CNTN5: variants seen among roughly 807,000 people sequenced by gnomAD.
The protein encoded by CNTN5 is contactin 5, also known as contactin-5.
A neutral mutation model predicts 129.1 loss-of-function variants in CNTN5; 77 were observed. That is an observed-to-expected ratio of 0.60 (90% confidence interval 0.50 to 0.72). The LOEUF is 0.72. Ranked by LOEUF, CNTN5 falls within the 30% of genes least tolerant of loss-of-function variation. CNTN5 has a pLI of 0.00. For synonymous variants in CNTN5, 509 were observed against 465.6 expected (o/e 1.09, Z -1.20); for missense variants, 1,478 against 1,328.8 (o/e 1.11, Z -1.75).
chr11:99,743,343 C>A (rs1166574305), intron 3 of CNTN5, among the ~76,000 whole-genome samples: 1 of 152,050 alleles, frequency 6.6e-6, no homozygotes, highest in Non-Finnish European at 1.5e-5. Flanking sequence ...ATCTAATGTT[C>A]AGATATTAGG....
chr11:100,015,789 T>C (rs1940791062), intron 9 of CNTN5, among the ~76,000 whole-genome samples: 1 of 152,122 alleles, frequency 6.6e-6, no homozygotes. Context: ...AGCATAGGCT[T>C]TTTTTAAAAT....
chr11:99,951,203 C>A (rs893631855), intron 7 of CNTN5, among the ~76,000 whole-genome samples: 28 of 151,222 alleles, frequency 1.9e-4, no homozygotes, highest in African/African-American at 6.3e-4. Context: ...ACTCAAAATG[C>A]TAATTTCTAA....
chr11:99,614,394 T>C (rs1428941710), intron 3 of CNTN5, among the ~76,000 whole-genome samples: 1 of 152,200 alleles, frequency 6.6e-6, no homozygotes, highest in East Asian at 1.9e-4. Context: ...TTTTGCTTTT[T>C]TCATTGCACC....
chr11:100,224,770 A>G lies in CNTN5; in HGVS notation c.1963A>G (p.Thr655Ala). The G allele has an allele frequency of 1.2e-6, 2 of 1,613,168 alleles. No homozygotes were observed. The highest frequency in any genetic ancestry group is 1.7e-6 in the Non-Finnish European group (2 of 1,179,224). Residue 655 changes from threonine (T) to alanine (A), a missense_variant, in exon 16 of 25, where the codon ACA becomes GCA. By Grantham distance (58) the Thr-to-Ala change is moderately conservative. Transcript: ENST00000524871. Reference protein sequence around the residue: ...AGRYGCRVQTTADSVSDEAEL... With the variant: ...AGRYGCRVQTAADSVSDEAEL... ...GAGATATGGCTGCAGGGTACAGACC[A>G]CAGCAGACAGTGTGTCAGATGAGGC...
intron 20 of CNTN5, among the ~76,000 whole-genome samples, chr11:100,307,707 T>C (rs1324846996): frequency 6.6e-6 from 1 of 151,524 alleles, no homozygotes; most frequent in Non-Finnish European, 1.5e-5. Flanking sequence ...AGTCTTGTGG[T>C]TGGAACAACA....
chr11:99,467,043 A>G (rs1213681803), intron 2 of CNTN5, among the ~76,000 whole-genome samples: 1 of 152,162 alleles, frequency 6.6e-6, no homozygotes, highest in Non-Finnish European at 1.5e-5. Flanking sequence ...CAATGTCTTT[A>G]TTCTTTCCTC....
At chr11:99,911,801 T>G (rs1949667647) in intron 6 of CNTN5, among the ~76,000 whole-genome samples, 1 of 151,856 alleles carries the variant, frequency 6.6e-6, no homozygotes, top group Non-Finnish European at 1.5e-5. Flanking sequence ...CCAACTCTAT[T>G]ACCACGTGTT....
At chr11:99,779,195 T>A (rs1390318840) in intron 3 of CNTN5, among the ~76,000 whole-genome samples, 3 of 151,964 alleles carry the variant, frequency 2.0e-5, no homozygotes, top group Non-Finnish European at 4.4e-5. Context: ...TTTCTAAATT[T>A]GTAGAAATTT....
intron 1 of CNTN5, among the ~76,000 whole-genome samples, chr11:99,215,690 G>C (rs956934475): frequency 4.6e-5 from 7 of 152,134 alleles, no homozygotes; most frequent in Non-Finnish European, 4.4e-5. Context: ...ATCATGATCA[G>C]TACCTCAGAA....
At chr11:99,022,506 A>G (rs1565253161) in intron 1 of CNTN5, among the ~76,000 whole-genome samples, 1 of 152,176 alleles carries the variant, frequency 6.6e-6, no homozygotes, top group East Asian at 1.9e-4. Flanking sequence ...CTCCTATTTC[A>G]TGCTCAAATT....
chr11:99,113,499 C>G (rs1857897790), intron 1 of CNTN5, among the ~76,000 whole-genome samples: 2 of 152,042 alleles, frequency 1.3e-5, no homozygotes, highest in Non-Finnish European at 2.9e-5. Context: ...CTGTTGGCAA[C>G]TAAGACTCAA....
chr11:99,492,355 T>G (rs1313571417), intron 2 of CNTN5, among the ~76,000 whole-genome samples: 3 of 152,196 alleles, frequency 2.0e-5, no homozygotes, highest in African/African-American at 7.2e-5. Context: ...TCTTCCAATC[T>G]TGCTTCCTTC....
rs112977298 is a variant in CNTN5, at chr11:99,759,459, G to A, written c.56-60085G>A. 3.7e-4 allele frequency among the ~76,000 whole-genome samples: 56 copies of A among 152,032 alleles called. 1 individual carries two copies. Among genetic ancestry groups the A allele is most frequent in the African/African-American group, 1.2e-3 (48 of 41,504 alleles). On this transcript the variant is annotated intron_variant, in intron 3 of 24. Coordinates refer to ENST00000524871, the MANE Select transcript of CNTN5 (RefSeq NM_014361.4). The stretch of plus-strand genomic sequence containing the variant: ...GGGGGCAATGAAATTATGAAGGCAC[G>A]TAAACTGAAGCCTACAGCACAGTTT...
At chr11:99,680,033 G>A (rs999603322) in intron 3 of CNTN5, among the ~76,000 whole-genome samples, 1 of 152,152 alleles carries the variant, frequency 6.6e-6, no homozygotes, top group Non-Finnish European at 1.5e-5. Flanking sequence ...AATCCTGAGA[G>A]AGATGAGGAA....
At chr11:99,648,088 G>A (rs1952030824) in intron 3 of CNTN5, among the ~76,000 whole-genome samples, 1 of 151,824 alleles carries the variant, frequency 6.6e-6, no homozygotes. Context: ...TTGTGTTGAG[G>A]TACTTTCCTT....
At chr11:99,197,370 C>T (rs945091741) in intron 1 of CNTN5, among the ~76,000 whole-genome samples, 3 of 151,964 alleles carry the variant, frequency 2.0e-5, no homozygotes, top group African/African-American at 7.2e-5. Context: ...ACACACCCAA[C>T]TCTTAGGATC....
chr11:99,384,783 A>G (rs1166777814), intron 2 of CNTN5, among the ~76,000 whole-genome samples: 2 of 152,208 alleles, frequency 1.3e-5, no homozygotes, highest in Non-Finnish European at 2.9e-5. Context: ...TAATAATTGT[A>G]TATATGGAAT....
At chr11:99,687,012 C>T (rs1303854370) in intron 3 of CNTN5, among the ~76,000 whole-genome samples, 1 of 152,106 alleles carries the variant, frequency 6.6e-6, no homozygotes, top group Non-Finnish European at 1.5e-5. Context: ...TTCTCAGAAA[C>T]CACTTAACTC....
At chr11:99,870,425 G>C (rs1418671694) in intron 6 of CNTN5, among the ~76,000 whole-genome samples, 2 of 152,114 alleles carry the variant, frequency 1.3e-5, no homozygotes, top group African/African-American at 2.4e-5. Context: ...TTTTCTGTTA[G>C]AGTAGGCCAT....
Sources: allele counts gnomAD v4.1 joint callset (sites outside exome capture counted in the v4.1 genomes callset), GRCh38; gene constraint gnomAD v4.1.1; transcripts MANE v1.5; gene names NCBI Gene and HGNC (gene_info 2026-07-23, HGNC 2026-07-21).